Variants in FRMD3 observed in about 807,000 individuals in gnomAD.
FRMD3 encodes the protein FERM domain containing 3, also known as FERM domain-containing protein 3.
A neutral mutation model predicts 70.2 loss-of-function variants in FRMD3; 33 were observed. The observed-to-expected ratio is 0.47, with a 90% CI of 0.36 to 0.63. The LOEUF is 0.63. FRMD3 is among the 20% of genes least tolerant of loss of function. FRMD3 has a pLI of 0.00. For synonymous variants in FRMD3, 279 were observed against 255.9 expected, an observed-to-expected ratio of 1.09 and a Z score of -0.86; for missense variants, 632 against 711.4, an observed-to-expected ratio of 0.89 and a Z score of 1.27.
chr9:83,319,247 G>C (rs1265150117), intron 6 of FRMD3, among the ~76,000 whole-genome samples: 1 of 152,054 alleles, frequency 6.6e-6, no homozygotes, highest in Non-Finnish European at 1.5e-5. Flanking sequence ...TGAGGAATTG[G>C]TCACAAATTC....
intron 5 of FRMD3, 101 bp downstream of exon 5, chr9:83,343,089 A>G (rs752384321): frequency 2.1e-5 from 17 of 823,346 alleles, no homozygotes; most frequent in Non-Finnish European, 3.4e-5. Context: ...CTCCAGCCAC[A>G]GACACAGGCA....
intron 1 of FRMD3, among the ~76,000 whole-genome samples, chr9:83,460,376 C>A (rs1377098507): frequency 6.6e-6 from 1 of 152,146 alleles, no homozygotes; most frequent in Non-Finnish European, 1.5e-5. Context: ...CTGTTCTCAA[C>A]CCTCTCCCAA....
At chr9:83,568,636 T>C in the FRMD3 span, among the ~76,000 whole-genome samples, 1 of 151,362 alleles carries the variant, frequency 6.6e-6, no homozygotes, top group South Asian at 2.1e-4. Context: ...CCAGACGCTG[T>C]GGGGTGGAGA....
intron 3 of FRMD3, among the ~76,000 whole-genome samples, chr9:83,357,695 CAT>C (rs921554245): frequency 1.5e-4 from 23 of 152,184 alleles, no homozygotes; most frequent in African/African-American, 4.8e-4. Context: ...CATTTTCTCA[CAT>C]GTTTGTTGCC....
At position 83,359,332 on chromosome 9, in the gene FRMD3, C is replaced by T. The variant is rs115830142; in HGVS notation, c.296-9575G>A. Among the ~76,000 whole-genome samples, 387 of 152,282 alleles carry T rather than the reference C, an allele frequency of 2.5e-3. 4 individuals are homozygous for T. The highest frequency in any genetic ancestry group is 8.9e-3 in the African/African-American group (371 of 41,558). ...AATTCTCTTCCTGCCTATGCCTGCTCAGGAGAAGCTTGAAAAGAGACTTTG... is the reference window on the plus strand; with the variant it reads ...AATTCTCTTCCTGCCTATGCCTGCTTAGGAGAAGCTTGAAAAGAGACTTTG... On this transcript the variant is annotated intron_variant, in intron 3 of 13. Transcript: ENST00000304195.
intron 13 of FRMD3, among the ~76,000 whole-genome samples, chr9:83,278,065 T>TTA (rs1330087160): frequency 1.3e-5 from 2 of 152,146 alleles, no homozygotes; most frequent in Non-Finnish European, 2.9e-5. Context: ...ATTGGAGGAA[T>TTA]TACTCAGAAT....
At chr9:83,402,898 C>CTTTTTTTTTTTTTTTTT (rs559570925) in intron 1 of FRMD3, among the ~76,000 whole-genome samples, 1 of 87,296 alleles carries the variant, frequency 1.1e-5, no homozygotes, top group African/African-American at 4.4e-5. Context: ...TTCTTTCTTT[C>CTTTTTTTTTTTTTTTTT]TTTTTTTTTT....
At chr9:83,504,676 A>G (rs995597807) in intron 1 of FRMD3, among the ~76,000 whole-genome samples, 1 of 152,120 alleles carries the variant, frequency 6.6e-6, no homozygotes, top group African/African-American at 2.4e-5. Flanking sequence ...TCTATAAAGA[A>G]CAGTACCGCT....
intron 3 of FRMD3, among the ~76,000 whole-genome samples, chr9:83,358,014 AGG>A (rs71498050): frequency 0.43 from 64,739 of 151,844 alleles, 14,598 homozygotes; most frequent in Non-Finnish European, 0.5. Context: ...AATGTCTAGA[AGG>A]GTTTATCCCA....
intron 1 of FRMD3, among the ~76,000 whole-genome samples, chr9:83,427,680 T>A (rs12683112): frequency 0.083 from 12,656 of 151,866 alleles, 609 homozygotes; most frequent in South Asian, 0.2. Context: ...TATGAATATA[T>A]GTATATATCT....
chr9:83,572,598 T>C, the FRMD3 span, among the ~76,000 whole-genome samples: 1 of 152,146 alleles, frequency 6.6e-6, no homozygotes. Context: ...GTAAATAGAT[T>C]AGAGAAATAT....
intron 3 of FRMD3, among the ~76,000 whole-genome samples, chr9:83,360,749 A>G (rs1198304442): frequency 6.6e-6 from 1 of 152,100 alleles, no homozygotes; most frequent in Non-Finnish European, 1.5e-5. Flanking sequence ...GTTGCCACCA[A>G]CCATTGCATA....
intron 1 of FRMD3, among the ~76,000 whole-genome samples, chr9:83,413,550 C>T (rs1004407377): frequency 6.6e-6 from 1 of 152,168 alleles, no homozygotes; most frequent in African/African-American, 2.4e-5. Context: ...AATCGCTTTT[C>T]AGCACTTTGG....
At chr9:83,577,495 G>A in the FRMD3 span, among the ~76,000 whole-genome samples, 1 of 151,786 alleles carries the variant, frequency 6.6e-6, no homozygotes, top group African/African-American at 2.4e-5. Flanking sequence ...GTGACCACTG[G>A]ATATCTATCT....
At chr9:83,331,422 T>G (rs1175697007) in intron 6 of FRMD3, among the ~76,000 whole-genome samples, 1 of 152,140 alleles carries the variant, frequency 6.6e-6, no homozygotes, top group Non-Finnish European at 1.5e-5. Context: ...AGTAAAAAGA[T>G]CAGCGGTTGC....
At chr9:83,571,757 C>T in the FRMD3 span, among the ~76,000 whole-genome samples, 1 of 152,196 alleles carries the variant, frequency 6.6e-6, no homozygotes, top group Non-Finnish European at 1.5e-5. Flanking sequence ...CAATGAGAAA[C>T]CTGGTCCCAC....
intron 12 of FRMD3, chr9:83,297,460 A>G (rs1442604575): frequency 9.0e-6 from 2 of 223,152 alleles, no homozygotes; most frequent in Non-Finnish European, 1.8e-5. Flanking sequence ...CTTGTGTGAG[A>G]CTCAAGTTTC....
At chr9:83,517,269 A>G (rs965601302) in intron 1 of FRMD3, among the ~76,000 whole-genome samples, 3 of 152,172 alleles carry the variant, frequency 2.0e-5, no homozygotes, top group Non-Finnish European at 4.4e-5. Flanking sequence ...AATAGACACA[A>G]TAAAAAGTGA....
At chr9:83,445,213 T>C (rs1827420003) in intron 1 of FRMD3, among the ~76,000 whole-genome samples, 1 of 152,104 alleles carries the variant, frequency 6.6e-6, no homozygotes, top group African/African-American at 2.4e-5. Context: ...CCGTCTCTAC[T>C]AAAAATACAA....
Sources: gnomAD v4.1 joint callset for allele counts (sites outside exome capture counted in the v4.1 genomes callset) on GRCh38, gnomAD v4.1.1 for gene constraint, MANE v1.5 for transcripts, NCBI Gene and HGNC (gene_info 2026-07-23, HGNC 2026-07-21) for gene names.